The following LINC00632 variants were observed in gnomAD, a reference collection of about 807,000 sequenced individuals.
LINC00632 encodes the protein long independently transcribed non-coding RNA 632.
intron 3 of LINC00632, among the ~76,000 whole-genome samples, chrX:140,762,327 A>C (rs1260221151): frequency 9.0e-6 from 1 of 110,550 alleles, no homozygotes; most frequent in Non-Finnish European, 1.9e-5. Context: ...CCACAGCAGG[A>C]TTTTGGTTTG....
chrX:140,751,893 G>A (rs1931415897), intron 3 of LINC00632, among the ~76,000 whole-genome samples: 1 of 111,582 alleles, frequency 9.0e-6, no homozygotes, highest in South Asian at 3.8e-4. Flanking sequence ...AGGAAAAGGA[G>A]AGCTGGAAGT....
intron 3 of LINC00632, among the ~76,000 whole-genome samples, chrX:140,759,911 G>T (rs2148396428): frequency 9.0e-6 from 1 of 111,614 alleles, no homozygotes; most frequent in Admixed American, 9.5e-5. Context: ...GAAAAAAATT[G>T]CTCTTGGAGT....
At chrX:140,761,184 G>C (rs767784465) in intron 3 of LINC00632, among the ~76,000 whole-genome samples, 1 of 112,424 alleles carries the variant, frequency 8.9e-6, no homozygotes, top group Non-Finnish European at 1.9e-5. Flanking sequence ...TTAGCAGCTG[G>C]TCCATGATTT....
chrX:140,719,307 T>G (rs769527977), intron 2 of LINC00632, among the ~76,000 whole-genome samples: 17 of 110,549 alleles, frequency 1.5e-4, no homozygotes, highest in Non-Finnish European at 3.2e-4. Context: ...CACTCCTTTT[T>G]TTTTTCTTTG....
chrX:140,710,034 T>C (rs2148373389), intron 1 of LINC00632, among the ~76,000 whole-genome samples: 1 of 112,249 alleles, frequency 8.9e-6, no homozygotes, highest in South Asian at 3.7e-4. Context: ...ATAGAAACTT[T>C]CCCCTTGTGA....
chrX:140,765,245 G>T (rs1195059656), intron 3 of LINC00632, among the ~76,000 whole-genome samples: 1 of 110,951 alleles, frequency 9.0e-6, no homozygotes, highest in East Asian at 2.9e-4. Flanking sequence ...CTTCCTGGTT[G>T]TGTGGGAAGG....
At chrX:140,726,115 TA>T (rs368805682) in intron 2 of LINC00632, among the ~76,000 whole-genome samples, 11,940 of 108,440 alleles carry the variant, frequency 0.11, 1,017 homozygotes, top group African/African-American at 0.29. Context: ...CACACACAAA[TA>T]AAAAAAAACC....
intron 2 of LINC00632, among the ~76,000 whole-genome samples, chrX:140,725,245 ACACACATTCCGTACACACACACAGT>A (rs1399665546): frequency 9.2e-6 from 1 of 108,309 alleles, no homozygotes; most frequent in African/African-American, 3.4e-5. Flanking sequence ...CCATACACAC[ACACACATTCCGTACACACACACAGT>A]CACACATTCC....
intron 1 of LINC00632, among the ~76,000 whole-genome samples, chrX:140,711,264 T>C (rs1361500392): frequency 9.0e-6 from 1 of 111,633 alleles, no homozygotes; most frequent in Non-Finnish European, 1.9e-5. Context: ...AAATTACCCA[T>C]AATCCCGTAA....
At chrX:140,720,827 G>C (rs1291400465) in intron 2 of LINC00632, among the ~76,000 whole-genome samples, 1 of 111,631 alleles carries the variant, frequency 9.0e-6, no homozygotes, top group African/African-American at 3.3e-5. Context: ...TAACACCAAC[G>C]CTTAGCTGAG....
At chrX:140,751,467 C>A in intron 3 of LINC00632, among the ~76,000 whole-genome samples, 1 of 110,715 alleles carries the variant, frequency 9.0e-6, no homozygotes, top group Non-Finnish European at 1.9e-5. Context: ...GAGACCAAAG[C>A]AAGATGCATA....
At chrX:140,730,658 C>T (rs1431379253) in intron 2 of LINC00632, among the ~76,000 whole-genome samples, 2 of 111,335 alleles carry the variant, frequency 1.8e-5, no homozygotes, top group Admixed American at 9.6e-5. Flanking sequence ...CATAGACTTG[C>T]CCCATATTTC....
At chrX:140,784,262 T>C in exon 5 of LINC00632, 1 of 1,205,506 alleles carries the variant, frequency 8.3e-7, no homozygotes. Flanking sequence ...TACTTGTGTC[T>C]TCCAACAAAG....
At chrX:140,758,791 C>T (rs1209348894) in intron 3 of LINC00632, among the ~76,000 whole-genome samples, 1 of 111,599 alleles carries the variant, frequency 9.0e-6, no homozygotes, top group Non-Finnish European at 1.9e-5. Context: ...TGAATTACCT[C>T]TAATGGTGCT....
At chrX:140,725,954 C>G (rs761000931) in intron 2 of LINC00632, among the ~76,000 whole-genome samples, 1 of 111,706 alleles carries the variant, frequency 9.0e-6, no homozygotes, top group Admixed American at 9.6e-5. Context: ...GACACTCATA[C>G]TCACTCAATA....
intron 3 of LINC00632, among the ~76,000 whole-genome samples, chrX:140,760,123 C>A (rs1401796004): frequency 8.9e-6 from 1 of 111,930 alleles, no homozygotes; most frequent in African/African-American, 3.2e-5. Flanking sequence ...GTGTTATGGA[C>A]AACTGAGGTA....
intron 3 of LINC00632, among the ~76,000 whole-genome samples, chrX:140,737,117 C>T (rs1931157480): frequency 9.2e-6 from 1 of 108,741 alleles, no homozygotes; most frequent in Admixed American, 9.9e-5. Flanking sequence ...CCAGGCTGGT[C>T]TCGAGCTCCT....
chrX:140,768,401 A>G (rs1931726865), intron 3 of LINC00632, among the ~76,000 whole-genome samples: 1 of 108,523 alleles, frequency 9.2e-6, no homozygotes, highest in Non-Finnish European at 1.9e-5. Flanking sequence ...TGACTGTAAC[A>G]AAAGGGTTAG....
chrX:140,768,053 A>G (rs758134423), intron 3 of LINC00632, among the ~76,000 whole-genome samples: 1 of 111,694 alleles, frequency 9.0e-6, no homozygotes, highest in South Asian at 3.8e-4. Flanking sequence ...CAGAATTTTC[A>G]CATGCTCCAG....
Sources: allele counts gnomAD v4.1 joint callset (sites outside exome capture counted in the v4.1 genomes callset), GRCh38; gene constraint gnomAD v4.1.1; transcripts MANE v1.5; gene names NCBI Gene and HGNC (gene_info 2026-07-23, HGNC 2026-07-21).